The following ADAM32 variants were observed in gnomAD, a reference collection of about 807,000 sequenced individuals.
The protein encoded by ADAM32 is ADAM metallopeptidase domain 32.
In ADAM32, 89 loss-of-function variants were observed where a neutral mutation model predicts 114.9. The observed-to-expected ratio is 0.77, with a 90% CI of 0.65 to 0.92. ADAM32 has a LOEUF of 0.92. Among genes scored for constraint, ADAM32 ranks in the 40% least tolerant of loss-of-function variants. The probability of loss-of-function intolerance (pLI) is 0.00; values close to 1 mark genes in which losing one functional copy is unlikely to be tolerated. For missense variants in ADAM32, 870 were observed against 932.8 expected (o/e 0.93, Z 0.88); for synonymous variants, 285 against 307.5 (o/e 0.93, Z 0.77).
intron 1 of ADAM32, among the ~76,000 whole-genome samples, chr8:39,117,030 C>T (rs1840405923): frequency 6.6e-6 from 1 of 152,078 alleles, no homozygotes; most frequent in Admixed American, 6.6e-5. Context: ...ACTACATGCA[C>T]ATGCCACCAT....
chr8:39,249,174 G>C (rs1388685027), intron 17 of ADAM32, among the ~76,000 whole-genome samples: 3 of 152,040 alleles, frequency 2.0e-5, no homozygotes, highest in Admixed American at 2.0e-4. Context: ...AAAGTGCTGG[G>C]ATTTCAGGCA....
At chr8:39,158,536 G>C (rs1024292890) in intron 6 of ADAM32, 12 of 340,316 alleles carry the variant, frequency 3.5e-5, no homozygotes, top group South Asian at 8.7e-5. Flanking sequence ...CTTCCCACAC[G>C]ATGTGTCATG....
At chr8:39,153,586 G>T (rs1278558170) in intron 6 of ADAM32, among the ~76,000 whole-genome samples, 1 of 152,180 alleles carries the variant, frequency 6.6e-6, no homozygotes, top group Admixed American at 6.5e-5. Context: ...GTGTGGGAAA[G>T]GGTGAGTTTG....
At chr8:39,191,815 A>C (rs1270769588) in intron 11 of ADAM32, among the ~76,000 whole-genome samples, 1 of 152,066 alleles carries the variant, frequency 6.6e-6, no homozygotes, top group African/African-American at 2.4e-5. Flanking sequence ...TTCATCATGA[A>C]ATGTTTCCAG....
intron 16 of ADAM32, among the ~76,000 whole-genome samples, chr8:39,241,907 A>G (rs1250724784): frequency 6.6e-6 from 1 of 152,198 alleles, no homozygotes. Flanking sequence ...CTATTGTGCT[A>G]TCAGGCTGCA....
chr8:39,270,820 A>C, intron 19 of ADAM32, 56 bp from the exon 20 acceptor site: 1 of 1,393,366 alleles, frequency 7.2e-7, no homozygotes, highest in Non-Finnish European at 1.0e-6. Context: ...ATTTTAATTC[A>C]TGAAGTTGGC....
chr8:39,125,473 A>G (rs759632888), intron 2 of ADAM32, among the ~76,000 whole-genome samples: 16 of 152,102 alleles, frequency 1.1e-4, no homozygotes, highest in South Asian at 2.1e-4. Context: ...TTGAATCTCA[A>G]CCGTACCTGA....
chr8:39,278,223 C>T (rs534193731), intron 22 of ADAM32, among the ~76,000 whole-genome samples: 8 of 152,122 alleles, frequency 5.3e-5, no homozygotes, highest in East Asian at 1.9e-4. Context: ...TAGTCCCTGA[C>T]GTCCAGCTGC....
intron 19 of ADAM32, among the ~76,000 whole-genome samples, chr8:39,262,194 T>C (rs1327966061): frequency 6.6e-6 from 1 of 151,698 alleles, no homozygotes; most frequent in East Asian, 1.9e-4. Context: ...AGGACTTTGA[T>C]CCGTTATGAG....
rs115377938 is a variant in ADAM32 at position 39,247,989 on chromosome 8, C to G, written c.1902+1823C>G. Among the ~76,000 whole-genome samples, 831 of 152,060 alleles carry G rather than the reference C, an allele frequency of 5.5e-3. 10 individuals carry two copies. Among genetic ancestry groups the G allele is most frequent in the African/African-American group, 0.019 (792 of 41,460 alleles). On this transcript the variant is annotated intron_variant, in intron 17 of 24. Coordinates refer to ENST00000379907, the MANE Select transcript of ADAM32 (RefSeq NM_145004.7). Reference sequence around the variant, plus strand: ...TTGCTTTTGCTCCTTTGTCAGAGATCAGTTGACTAGATTTATGTTTGTCAG... The same window carrying G: ...TTGCTTTTGCTCCTTTGTCAGAGATGAGTTGACTAGATTTATGTTTGTCAG...
chr8:39,183,441 G>A (rs1421960725), intron 10 of ADAM32, among the ~76,000 whole-genome samples: 18 of 152,082 alleles, frequency 1.2e-4, no homozygotes, highest in Admixed American at 1.0e-3. Flanking sequence ...ATGCAGTGCC[G>A]CACCAGCCTG....
intron 6 of ADAM32, 128 bp downstream of exon 6, chr8:39,151,676 T>A: frequency 2.7e-6 from 1 of 363,898 alleles, no homozygotes; most frequent in Non-Finnish European, 3.8e-6. Flanking sequence ...ACATCTTATC[T>A]TTTTTTTTTT....
chr8:39,275,162 C>T (rs1585703765), intron 21 of ADAM32, among the ~76,000 whole-genome samples: 1 of 152,214 alleles, frequency 6.6e-6, no homozygotes, highest in East Asian at 1.9e-4. Context: ...TACAGCCTTT[C>T]AGGGCTTCCA....
chr8:39,144,655 C>G (rs1210711733), intron 3 of ADAM32, among the ~76,000 whole-genome samples: 1 of 2,546 alleles, frequency 3.9e-4, no homozygotes, highest in South Asian at 0.071. Flanking sequence ...AGAGATATAC[C>G]TTAACACAAA....
intron 16 of ADAM32, among the ~76,000 whole-genome samples, chr8:39,235,271 G>A (rs932291896): frequency 8.5e-5 from 13 of 152,092 alleles, no homozygotes; most frequent in African/African-American, 3.1e-4. Context: ...CCACTTACTT[G>A]ATAGATGATC....
At chr8:39,260,111 T>C (rs1440674206) in intron 19 of ADAM32, among the ~76,000 whole-genome samples, 2 of 152,190 alleles carry the variant, frequency 1.3e-5, no homozygotes, top group Admixed American at 1.3e-4. Context: ...ATGATTTGCC[T>C]GATATATGTA....
chr8:39,175,998 T>C (rs1805504096), intron 10 of ADAM32, among the ~76,000 whole-genome samples: 2 of 152,198 alleles, frequency 1.3e-5, no homozygotes, highest in Admixed American at 1.3e-4. Flanking sequence ...TCTCTGATGG[T>C]TGTTTGTATT....
At chr8:39,281,269 G>A in intron 23 of ADAM32, 95 bp downstream of exon 23, 1 of 648,870 alleles carries the variant, frequency 1.5e-6, no homozygotes, top group South Asian at 4.2e-5. Flanking sequence ...AACATTTTTT[G>A]AGCAGCCACA....
intron 14 of ADAM32, among the ~76,000 whole-genome samples, chr8:39,229,760 C>G: frequency 6.6e-6 from 1 of 152,092 alleles, no homozygotes; most frequent in East Asian, 1.9e-4. Context: ...TGGGGGACTT[C>G]AAGACTCCAC....
Sources: allele counts gnomAD v4.1 joint callset (sites outside exome capture counted in the v4.1 genomes callset), GRCh38; gene constraint gnomAD v4.1.1; transcripts MANE v1.5; gene names NCBI Gene and HGNC (gene_info 2026-07-23, HGNC 2026-07-21).